Variants in FHDC1 observed in about 807,000 individuals in gnomAD.
FHDC1 encodes FH2 domain containing 1.
In FHDC1, 25 loss-of-function variants were observed where a neutral mutation model predicts 52.6. That is an observed-to-expected ratio of 0.48 (90% CI 0.35 to 0.66). The LOEUF is 0.66. Ranked by LOEUF, FHDC1 falls within the 30% of genes least tolerant of loss-of-function variation. FHDC1 has a pLI of 0.01. For synonymous variants in FHDC1, 616 were observed against 581.5 expected (o/e 1.06, Z -0.85); for missense variants, 1,459 against 1,452.8 (o/e 1.00, Z -0.07).
At chr4:152,943,640 A>AGAC in intron 2 of FHDC1, 85 bp downstream of exon 2, 1 of 1,438,780 alleles carries the variant, frequency 7.0e-7, no homozygotes, top group Non-Finnish European at 9.4e-7. Context: ...AATAATTGCT[A>AGAC]GACACCCCTA....
At chr4:152,970,667 C>T (rs1345954571) in intron 10 of FHDC1, among the ~76,000 whole-genome samples, 1 of 152,230 alleles carries the variant, frequency 6.6e-6, no homozygotes, top group African/African-American at 2.4e-5. Context: ...TACCATTCCT[C>T]CATAAAGAAA....
chr4:152,919,944 CTTTTTTTTTTTTT>C, the FHDC1 span, among the ~76,000 whole-genome samples: 5 of 70,302 alleles, frequency 7.1e-5, no homozygotes, highest in East Asian at 5.0e-4. Flanking sequence ...TAGGGAAGTT[CTTTTTTTTTTTTT>C]TTTTTTTTTT....
At position 152,943,425 on chromosome 4, in the gene FHDC1, A is replaced by G. The variant is rs868451987; in HGVS notation, c.368A>G (p.Gln123Arg). The G allele has an allele frequency of 1.2e-6, 2 of 1,614,222 alleles. No homozygotes were observed. Among genetic ancestry groups the G allele is most frequent in the Non-Finnish European group, 1.7e-6 (2 of 1,180,044 alleles). The change falls in exon 2 of 12, where the codon CAG becomes CGG. Residue 123 changes from glutamine to arginine, a missense_variant. Gln to Arg is a conservative substitution (Grantham distance 43, BLOSUM62 1). Transcript: ENST00000511601. ...KTNIWTLAAR[Q>R]EHHYQIDTKT... Reference sequence around the variant, plus strand: ...AACATCTGGACCTTGGCAGCCAGGCAGGAACATCACTACCAAATTGATACA... The same window carrying G: ...AACATCTGGACCTTGGCAGCCAGGCGGGAACATCACTACCAAATTGATACA...
At chr4:152,967,933 C>T (rs559737048) in intron 9 of FHDC1, 47 bp from the exon 10 acceptor site, 7 of 1,415,320 alleles carry the variant, frequency 4.9e-6, no homozygotes, top group African/African-American at 2.8e-5. Context: ...CTACATGACA[C>T]ATGGCTTCCT....
At position 152,975,525 on chromosome 4, in the gene FHDC1, C is replaced by T. The variant is rs936747543; in HGVS notation, c.2234C>T (p.Ala745Val). The T allele has an allele frequency of 5.0e-6, 8 of 1,613,378 alleles. No individual in the cohort carries two copies. In the African/African-American group the frequency reaches 5.3e-5, roughly 11 times the overall value. The change falls in exon 12 of 12, where the codon GCC (alanine) becomes GTC (valine). Residue 745 changes from alanine (A) to valine (V), a missense_variant. Ala to Val is a moderately conservative substitution (Grantham distance 64). Transcript: ENST00000511601. Reference sequence around the variant, plus strand: ...CCAGCGCTGGAGGATGGCAAGGCTGCCCCCGATGAGCCTGGAAGTGCAGCT... The same window carrying T: ...CCAGCGCTGGAGGATGGCAAGGCTGTCCCCGATGAGCCTGGAAGTGCAGCT... ...LSPALEDGKAAPDEPGSAALG... is the reference protein window; with the variant it reads ...LSPALEDGKAVPDEPGSAALG...
Position 152,952,315 on chromosome 4 carries a change from CAGTT to C in FHDC1, c.499-1183_499-1180del, listed in dbSNP as rs1436985144. 9.9e-5 allele frequency among the ~76,000 whole-genome samples: 15 copies of C among 151,958 alleles called. No homozygotes were observed. In the East Asian group the frequency reaches 2.9e-3, roughly 30 times the overall value. The stretch of plus-strand genomic sequence containing the variant: ...TCTTCAGAGTTGTTTTTTATTTTCT[CAGTT>C]CAAATCTCACGCGATTCTTGTTAGG... On this transcript the variant is annotated intron_variant, in intron 2 of 11. Coordinates refer to ENST00000511601, the MANE Select transcript of FHDC1 (RefSeq NM_001371116.1).
At chr4:152,964,515 G>A (rs1740400997) in intron 8 of FHDC1, among the ~76,000 whole-genome samples, 1 of 144,858 alleles carries the variant, frequency 6.9e-6, no homozygotes, top group African/African-American at 2.4e-5. Flanking sequence ...CATGGCTCCT[G>A]TACCTTCTGA....
At chr4:152,969,008 G>A (rs1740553708) in intron 10 of FHDC1, among the ~76,000 whole-genome samples, 1 of 151,910 alleles carries the variant, frequency 6.6e-6, no homozygotes, top group Non-Finnish European at 1.5e-5. Flanking sequence ...ACAAAAAACA[G>A]CAGAGTGGAC....
At chr4:152,937,449 C>T (rs990349890) in intron 1 of FHDC1, among the ~76,000 whole-genome samples, 1 of 151,894 alleles carries the variant, frequency 6.6e-6, no homozygotes, top group African/African-American at 2.4e-5. Context: ...GCGTGGGGAG[C>T]GTGGGCTTTC....
chr4:152,970,120 A>T (rs11737082), intron 10 of FHDC1, among the ~76,000 whole-genome samples: 4,417 of 152,244 alleles, frequency 0.029, 93 homozygotes, highest in Non-Finnish European at 0.042. Flanking sequence ...CTGGACTCAA[A>T]CTCTATGCCA....
chr4:152,945,456 A>T (rs972009400), intron 2 of FHDC1, among the ~76,000 whole-genome samples: 1 of 152,108 alleles, frequency 6.6e-6, no homozygotes, highest in African/African-American at 2.4e-5. Flanking sequence ...AACCATTTTT[A>T]AAAAGTATTT....
chr4:152,970,813 G>A (rs1443575116), intron 10 of FHDC1, among the ~76,000 whole-genome samples: 1 of 152,206 alleles, frequency 6.6e-6, no homozygotes, highest in Middle Eastern at 3.4e-3. Flanking sequence ...GCTTTTAAGG[G>A]GGAAAGTGGG....
chr4:152,972,341 G>A lies in FHDC1; in HGVS notation c.1219-36G>A, dbSNP rs1223340053. The A allele has an allele frequency of 5.7e-6, 9 of 1,568,844 alleles. No homozygotes were observed. In the African/African-American group the frequency reaches 8.3e-5, roughly 14 times the overall value. ...GCCCAGCGCCGCCTCAGCTGACAAC[G>A]TTTACCTCAGTGTGTGTTCGTTTGT... On this transcript the variant is annotated intron_variant, in intron 10 of 11. Transcript: ENST00000511601.
upstream of FHDC1, among the ~76,000 whole-genome samples, chr4:152,936,085 G>T (rs541937980): frequency 3.9e-5 from 6 of 152,156 alleles, no homozygotes; most frequent in South Asian, 1.2e-3. Context: ...CTTCGGGTGC[G>T]GGAAGCAGTG....
At position 152,974,878 on chromosome 4, in the gene FHDC1, C is replaced by T; in HGVS notation, c.1587C>T (p.Pro529=). 1 of 1,607,886 alleles carries T rather than the reference C, an allele frequency of 6.2e-7. No homozygotes were observed. Among genetic ancestry groups the T allele is most frequent in the Non-Finnish European group, 8.5e-7 (1 of 1,177,844 alleles). Residue 529 remains proline (P), a synonymous_variant, in exon 12 of 12, where the codon CCC becomes CCT. Coordinates refer to ENST00000511601, the MANE Select transcript of FHDC1 (RefSeq NM_001371116.1). ...LHPRPISPSS[P]SYRPPNTRRS... ...CCAGGCCCATCAGCCCCTCCAGCCC[C>T]TCCTACCGGCCCCCGAACACCCGCC...
chr4:152,967,844 AG>A (rs1459184263), intron 9 of FHDC1, 135 bp from the exon 10 acceptor site: 2 of 638,708 alleles, frequency 3.1e-6, no homozygotes, highest in African/African-American at 3.6e-5. Context: ...ATCTAAATAC[AG>A]GGGTAGATAA....
intron 10 of FHDC1, among the ~76,000 whole-genome samples, chr4:152,968,317 T>G (rs1404872572): frequency 6.6e-6 from 1 of 152,004 alleles, no homozygotes; most frequent in Non-Finnish European, 1.5e-5. Context: ...TCTCTTCGTT[T>G]GTTTGACTTG....
the FHDC1 span, among the ~76,000 whole-genome samples, chr4:152,931,206 CAT>C: frequency 3.3e-5 from 5 of 152,066 alleles, no homozygotes; most frequent in Admixed American, 6.6e-5. Flanking sequence ...TATTAAGACT[CAT>C]ATACTGTTTT....
intron 4 of FHDC1, among the ~76,000 whole-genome samples, chr4:152,959,939 TAA>T (rs1740223038): frequency 1.0e-5 from 1 of 100,234 alleles, no homozygotes; most frequent in South Asian, 5.1e-4. Flanking sequence ...GGGGCAATCT[TAA>T]CGTCCCGTTG....
Sources: gnomAD v4.1 joint callset for allele counts (sites outside exome capture counted in the v4.1 genomes callset) on GRCh38, gnomAD v4.1.1 for gene constraint, MANE v1.5 for transcripts, NCBI Gene and HGNC (gene_info 2026-07-23, HGNC 2026-07-21) for gene names.